The following ESYT2 variants were observed in gnomAD, a reference collection of about 807,000 sequenced individuals.
The protein encoded by ESYT2 is extended synaptotagmin-2.
Under a neutral mutation model 107.2 loss-of-function variants are expected in ESYT2, and 54 were observed. The ratio of observed to expected loss-of-function variants is 0.50; its 90% CI spans 0.40 to 0.63. ESYT2 has a LOEUF of 0.63. Ranked by LOEUF, ESYT2 falls within the 30% of genes least tolerant of loss-of-function variation. The probability of loss-of-function intolerance (pLI) is 0.00; values close to 1 mark genes in which losing one functional copy is unlikely to be tolerated. For missense variants in ESYT2, 1,020 were observed against 1,094.5 expected, an observed-to-expected ratio of 0.93 and a Z score of 0.96; for synonymous variants, 491 against 434.1, an observed-to-expected ratio of 1.13 and a Z score of -1.63.
intron 7 of ESYT2, among the ~76,000 whole-genome samples, chr7:158,771,013 G>C (rs1587418281): frequency 6.6e-6 from 1 of 152,048 alleles, no homozygotes; most frequent in Admixed American, 6.6e-5. Context: ...AAATAAAATA[G>C]CTAGAAATGA....
At chr7:158,750,093 T>C (rs2129471670) in intron 14 of ESYT2, among the ~76,000 whole-genome samples, 1 of 152,206 alleles carries the variant, frequency 6.6e-6, no homozygotes, top group Non-Finnish European at 1.5e-5. Flanking sequence ...AAAAGACAAA[T>C]GTAAAAGAAC....
At chr7:158,818,686 A>G (rs1400578371) in intron 1 of ESYT2, among the ~76,000 whole-genome samples, 5 of 152,192 alleles carry the variant, frequency 3.3e-5, no homozygotes, top group Admixed American at 3.3e-4. Context: ...TCCGCATTCC[A>G]GCCTCACAAC....
At chr7:158,755,052 G>A (rs1479178348) in intron 13 of ESYT2, among the ~76,000 whole-genome samples, 2 of 152,154 alleles carry the variant, frequency 1.3e-5, no homozygotes, top group South Asian at 2.1e-4. Flanking sequence ...AAAAGAAGGA[G>A]GGCAAAGTTC....
intron 6 of ESYT2, among the ~76,000 whole-genome samples, chr7:158,782,548 A>T (rs551458505): frequency 1.3e-4 from 19 of 145,782 alleles, no homozygotes; most frequent in Non-Finnish European, 1.1e-4. Flanking sequence ...AATGAGTGTG[A>T]GAAGCAGCGG....
At chr7:158,758,409 C>A (rs1837840876) in intron 13 of ESYT2, among the ~76,000 whole-genome samples, 5 of 152,286 alleles carry the variant, frequency 3.3e-5, no homozygotes, top group Middle Eastern at 6.8e-3. Flanking sequence ...GGCAAGACTA[C>A]AGGGGATCGA....
chr7:158,799,710 G>A (rs778729070), intron 1 of ESYT2, among the ~76,000 whole-genome samples: 1 of 152,154 alleles, frequency 6.6e-6, no homozygotes, highest in Non-Finnish European at 1.5e-5. Flanking sequence ...AACCAGCTAA[G>A]AGACACCTTT....
At chr7:158,791,313 T>C (rs1335542883) in intron 4 of ESYT2, among the ~76,000 whole-genome samples, 9 of 152,222 alleles carry the variant, frequency 5.9e-5, no homozygotes, top group Non-Finnish European at 1.3e-4. Flanking sequence ...ACATTCTGCT[T>C]ATCCATTCAT....
At position 158,829,334 on chromosome 7, in the gene ESYT2, G is replaced by T. The variant is rs1245568108; in HGVS notation, c.85C>A (p.Leu29Met). 1 of 1,478,938 alleles carries T rather than the reference G, an allele frequency of 6.8e-7. No homozygotes were observed. The highest frequency in any genetic ancestry group is 2.3e-5 in the Admixed American group (1 of 43,118). The allele number at this position is 1,478,938 out of a possible 1,614,324, so 91.6% of individuals were successfully genotyped here. ...RAAPENPGGV[L>M]SVELPGLLAQ... The stretch of plus-strand genomic sequence containing the variant: ...AGCAGCCCGGGCAGCTCCACGCTCA[G>T]CACGCCCCCGGGGTTCTCAGGCGCC... Residue 29 changes from leucine to methionine, a missense_variant, in exon 1 of 23, where the codon CTG becomes ATG. Leu to Met is a conservative substitution (Grantham distance 15). Transcript: ENST00000275418.
chr7:158,735,714 T>C, intron 20 of ESYT2, 106 bp from the exon 21 acceptor site: 1 of 980,518 alleles, frequency 1.0e-6, no homozygotes, highest in Non-Finnish European at 1.5e-6. Flanking sequence ...GTCATGTTTG[T>C]TTTTTATTAT....
intron 13 of ESYT2, among the ~76,000 whole-genome samples, chr7:158,754,382 A>AT (rs200540245): frequency 0.023 from 3,397 of 147,352 alleles, 112 homozygotes; most frequent in African/African-American, 0.073. Flanking sequence ...AATTTTTTGT[A>AT]TTTTTTTTTT....
chr7:158,822,633 T>C (rs1471349371), intron 1 of ESYT2, among the ~76,000 whole-genome samples: 2 of 151,746 alleles, frequency 1.3e-5, no homozygotes, highest in South Asian at 4.2e-4. Context: ...TATATAAAAT[T>C]AAAAAATAAA....
At chr7:158,779,190 T>C (rs552269814) in intron 6 of ESYT2, among the ~76,000 whole-genome samples, 45 of 152,242 alleles carry the variant, frequency 3.0e-4, no homozygotes, top group African/African-American at 1.0e-3. Context: ...GCATCAAACA[T>C]AGGAAGAAGT....
chr7:158,756,570 G>T (rs548467921), intron 13 of ESYT2, among the ~76,000 whole-genome samples: 12 of 152,272 alleles, frequency 7.9e-5, no homozygotes, highest in Admixed American at 3.9e-4. Flanking sequence ...ACACAGCAGG[G>T]TTTTCAAAGA....
chr7:158,745,348 G>A (rs1296059305), intron 16 of ESYT2, among the ~76,000 whole-genome samples: 1 of 152,190 alleles, frequency 6.6e-6, no homozygotes, highest in Non-Finnish European at 1.5e-5. Flanking sequence ...CCTATCAAGA[G>A]AGGTTCAAGA....
chr7:158,823,474 A>C lies in ESYT2; in HGVS notation c.330+5615T>G, dbSNP rs570377955. Among the ~76,000 whole-genome samples, 20 of 149,162 alleles carry C rather than the reference A, an allele frequency of 1.3e-4. 1 individual carries two copies. Among genetic ancestry groups the C allele is most frequent in the Middle Eastern group, 3.4e-3 (1 of 292 alleles). On this transcript the variant is annotated intron_variant, in intron 1 of 22. Coordinates refer to ENST00000275418, the MANE Select transcript of ESYT2 (RefSeq NM_001367773.1). ...CCCGAGTAGCTGGGACTACAGGCGC[A>C]CACCGCCACGCCCGGCTAATTTTTT...
intron 18 of ESYT2, among the ~76,000 whole-genome samples, chr7:158,739,818 A>G (rs1444201601): frequency 6.6e-6 from 1 of 152,158 alleles, no homozygotes; most frequent in Non-Finnish European, 1.5e-5. Context: ...TTCAGATGCA[A>G]CAACCGACTG....
intron 3 of ESYT2, among the ~76,000 whole-genome samples, chr7:158,796,164 G>C (rs1839451964): frequency 6.6e-6 from 1 of 152,166 alleles, no homozygotes; most frequent in Non-Finnish European, 1.5e-5. Context: ...GCAACAACGT[G>C]TGCAGACTGT....
At chr7:158,754,407 T>C (rs1166283377) in intron 13 of ESYT2, among the ~76,000 whole-genome samples, 2 of 151,988 alleles carry the variant, frequency 1.3e-5, no homozygotes, top group African/African-American at 4.8e-5. Flanking sequence ...GAGATGGCGT[T>C]TCACCATGTT....
intron 1 of ESYT2, among the ~76,000 whole-genome samples, chr7:158,816,308 C>G (rs1263997551): frequency 6.6e-6 from 1 of 152,204 alleles, no homozygotes; most frequent in Non-Finnish European, 1.5e-5. Flanking sequence ...TATGATCACA[C>G]AACCACACTC....
Sources: allele counts gnomAD v4.1 joint callset (sites outside exome capture counted in the v4.1 genomes callset), GRCh38; gene constraint gnomAD v4.1.1; transcripts MANE v1.5; gene names NCBI Gene and HGNC (gene_info 2026-07-23, HGNC 2026-07-21).